H4C4: variants seen among roughly 807,000 people sequenced by gnomAD.
The protein encoded by H4C4 is H4 clustered histone 4.
H4C4 carries 8 observed loss-of-function variants against 4.4 expected under a neutral mutation model. The observed-to-expected ratio is 1.81, with a 90% CI of 1.06 to 3.27. H4C4 has a LOEUF of 3.27. Ranked by LOEUF, H4C4 falls within the 30% of genes most tolerant of loss-of-function variation. The pLI is 0.00. For missense variants in H4C4, 223 were observed against 148.9 expected (o/e 1.50, Z -2.59); for synonymous variants, 130 against 59.4 (o/e 2.19, Z -5.46).
rs1764838612 is a variant in H4C4, at chr6:26,189,021, T to C, written c.56A>G (p.His19Arg). The C allele has an allele frequency of 1.2e-6, 2 of 1,611,970 alleles. No homozygotes were observed. Among genetic ancestry groups the C allele is most frequent in the South Asian group, 1.1e-5 (1 of 91,062 alleles). ...GATATTGTCACGCAATACCTTACGG[T>C]GACGCTTGGCGCCACCCTTACCTAG... is the stretch of plus-strand genomic sequence containing the variant. ...KGLGKGGAKRHRKVLRDNIQG... is the reference protein window; with the variant it reads ...KGLGKGGAKRRRKVLRDNIQG... Residue 19 changes from histidine to arginine, a missense_variant, in exon 1 of 1, where the codon CAC (histidine) becomes CGC (arginine). Transcript: ENST00000614247.
chr6:26,189,030 G>GC lies in H4C4; in HGVS notation c.46dup (p.Ala16GlyfsTer6), dbSNP rs762079534. ...ACGCAATACCTTACGGTGACGCTTG[G>GC]CGCCACCCTTACCTAGACCCTTTCC... is the stretch of plus-strand genomic sequence containing the variant. On this transcript the variant is annotated frameshift_variant, in exon 1 of 1. Transcript: ENST00000614247. LOFTEE classifies it high-confidence loss of function. 3.1e-6 allele frequency: 5 copies of GC among 1,611,156 alleles called. No individual in the cohort carries two copies. Among genetic ancestry groups the GC allele is most frequent in the Non-Finnish European group, 3.4e-6 (4 of 1,177,822 alleles).
In H4C4 at chr6:26,188,763, G is replaced by C. The variant is rs770173337; in HGVS notation, c.*2C>G. The C allele has an allele frequency of 8.7e-6, 14 of 1,613,986 alleles. No homozygotes were observed. The highest frequency in any genetic ancestry group is 1.2e-5 in the Non-Finnish European group (14 of 1,180,008). ...TTGCGGTAGTGTACTGTAGAGGTAA[G>C]CTCAGCCGCCGAAGCCATAAAGAGT... On this transcript the variant is annotated 3_prime_UTR_variant, in exon 1 of 1. Transcript: ENST00000614247.
chr6:26,188,727 G>A lies in H4C4; in HGVS notation c.*38C>T. The A allele has an allele frequency of 5.0e-6, 8 of 1,593,802 alleles. No individual in the cohort carries two copies. Among genetic ancestry groups the A allele is most frequent in the Non-Finnish European group, 6.8e-6 (8 of 1,168,156 alleles). On this transcript the variant is annotated 3_prime_UTR_variant, in exon 1 of 1. Coordinates refer to ENST00000614247, the MANE Select transcript of H4C4 (RefSeq NM_003539.4). Reference sequence around the variant, plus strand: ...TGAGTGGATAGGTGGCCCTGAAAAGGGCCGTTGGTTTTGCGGTAGTGTACT... The same window carrying A: ...TGAGTGGATAGGTGGCCCTGAAAAGAGCCGTTGGTTTTGCGGTAGTGTACT...
At position 26,188,760 on chromosome 6, in the gene H4C4, T is replaced by C; in HGVS notation, c.*5A>G. 6.2e-7 allele frequency: 1 copy of C among 1,614,062 alleles called. No individual in the cohort carries two copies. Among genetic ancestry groups the C allele is most frequent in the Non-Finnish European group, 8.5e-7 (1 of 1,179,984 alleles). On this transcript the variant is annotated 3_prime_UTR_variant, in exon 1 of 1. Coordinates refer to ENST00000614247, the MANE Select transcript of H4C4 (RefSeq NM_003539.4). The stretch of plus-strand genomic sequence containing the variant: ...GTTTTGCGGTAGTGTACTGTAGAGG[T>C]AAGCTCAGCCGCCGAAGCCATAAAG...
rs2113850589 is a variant in H4C4 at position 26,188,729 on chromosome 6, C to A, written c.*36G>T. The A allele has an allele frequency of 6.3e-7, 1 of 1,594,908 alleles. No individual in the cohort carries two copies. Among genetic ancestry groups the A allele is most frequent in the Non-Finnish European group, 8.6e-7 (1 of 1,169,102 alleles). Reference sequence around the variant, plus strand: ...AGTGGATAGGTGGCCCTGAAAAGGGCCGTTGGTTTTGCGGTAGTGTACTGT... The same window carrying A: ...AGTGGATAGGTGGCCCTGAAAAGGGACGTTGGTTTTGCGGTAGTGTACTGT... On this transcript the variant is annotated 3_prime_UTR_variant, in exon 1 of 1. Coordinates refer to ENST00000614247, the MANE Select transcript of H4C4 (RefSeq NM_003539.4).
In H4C4 at chr6:26,189,048, C is replaced by A. The variant is rs368566658; in HGVS notation, c.29G>T (p.Gly10Val). The change falls in exon 1 of 1, where the codon GGT becomes GTT. Residue 10 changes from glycine to valine, a missense_variant. Gly to Val is a moderately radical substitution (Grantham distance 109). Transcript: ENST00000614247. MSGRGKGGK[G>V]LGKGGAKRHR... ...ACGCTTGGCGCCACCCTTACCTAGA[C>A]CCTTTCCGCCCTTACCGCGGCCAGA... is the stretch of plus-strand genomic sequence containing the variant. 2.5e-6 allele frequency: 4 copies of A among 1,592,972 alleles called. No individual in the cohort carries two copies. Among genetic ancestry groups the A allele is most frequent in the Non-Finnish European group, 3.4e-6 (4 of 1,166,722 alleles).
In H4C4 at chr6:26,188,753, G is replaced by C. The variant is rs557107958; in HGVS notation, c.*12C>G. 1 of 1,613,782 alleles carries C rather than the reference G, an allele frequency of 6.2e-7. No individual in the cohort carries two copies. The highest frequency in any genetic ancestry group is 8.5e-7 in the Non-Finnish European group (1 of 1,179,884). On this transcript the variant is annotated 3_prime_UTR_variant, in exon 1 of 1. Transcript: ENST00000614247. The stretch of plus-strand genomic sequence containing the variant: ...GCCGTTGGTTTTGCGGTAGTGTACT[G>C]TAGAGGTAAGCTCAGCCGCCGAAGC...
rs771503236 is a variant in H4C4 at position 26,188,909 on chromosome 6, G to A, written c.168C>T (p.Arg56=). 22 of 1,614,106 alleles carry A rather than the reference G, an allele frequency of 1.4e-5. No individual in the cohort carries two copies. Among genetic ancestry groups the A allele is most frequent in the South Asian group, 4.4e-5 (4 of 91,088 alleles). Residue 56 remains arginine, a synonymous_variant, in exon 1 of 1, where the codon CGC becomes CGT. Coordinates refer to ENST00000614247, the MANE Select transcript of H4C4 (RefSeq NM_003539.4). ...TTTCCAGGAAAACTTTCAGCACTCC[G>A]CGAGTTTCCTCATAAATGAGGCCAG... The part of the protein sequence containing the change: ...RISGLIYEET[R]GVLKVFLENV...
Position 26,189,092 on chromosome 6 carries a change from G to T in H4C4, c.-16C>A. 1 of 1,563,052 alleles carries T rather than the reference G, an allele frequency of 6.4e-7. No individual in the cohort carries two copies. Among genetic ancestry groups the T allele is most frequent in the South Asian group, 1.2e-5 (1 of 85,136 alleles). ...GGCCAGACATCTTGAAACCACAGCTGTTAAATCTGTAACGCAATACGTCTG... is the reference window on the plus strand; with the variant it reads ...GGCCAGACATCTTGAAACCACAGCTTTTAAATCTGTAACGCAATACGTCTG... On this transcript the variant is annotated 5_prime_UTR_variant, in exon 1 of 1. Transcript: ENST00000614247.
At position 26,189,031 on chromosome 6, in the gene H4C4, C is replaced by G. The variant is rs1328616104; in HGVS notation, c.46G>C (p.Ala16Pro). 1 of 1,610,834 alleles carries G rather than the reference C, an allele frequency of 6.2e-7. No individual in the cohort carries two copies. The highest frequency in any genetic ancestry group is 8.5e-7 in the Non-Finnish European group (1 of 1,177,574). Reference sequence around the variant, plus strand: ...CGCAATACCTTACGGTGACGCTTGGCGCCACCCTTACCTAGACCCTTTCCG... The same window carrying G: ...CGCAATACCTTACGGTGACGCTTGGGGCCACCCTTACCTAGACCCTTTCCG... ...KGGKGLGKGG[A>P]KRHRKVLRDN... is the part of the protein sequence containing the mutation. The change falls in exon 1 of 1, where the codon GCC becomes CCC. Residue 16 changes from alanine to proline, a missense_variant. Coordinates refer to ENST00000614247, the MANE Select transcript of H4C4 (RefSeq NM_003539.4).
rs778343999 is a variant in H4C4, at chr6:26,188,749, T to C, written c.*16A>G. The C allele has an allele frequency of 2.4e-5, 39 of 1,613,390 alleles. No homozygotes were observed. Among genetic ancestry groups the C allele is most frequent in the Non-Finnish European group, 3.2e-5 (38 of 1,179,760 alleles). On this transcript the variant is annotated 3_prime_UTR_variant, in exon 1 of 1. Transcript: ENST00000614247. Reference sequence around the variant, plus strand: ...AAGGGCCGTTGGTTTTGCGGTAGTGTACTGTAGAGGTAAGCTCAGCCGCCG... The same window carrying C: ...AAGGGCCGTTGGTTTTGCGGTAGTGCACTGTAGAGGTAAGCTCAGCCGCCG...
chr6:26,189,042 C>T lies in H4C4; in HGVS notation c.35G>A (p.Gly12Asp), dbSNP rs754242447. The change falls in exon 1 of 1, where the codon GGT becomes GAT. Residue 12 changes from glycine to aspartate, a missense_variant. Physicochemically the swap from Gly to Asp is moderately conservative, Grantham distance 94. Transcript: ENST00000614247. ...ACGGTGACGCTTGGCGCCACCCTTA[C>T]CTAGACCCTTTCCGCCCTTACCGCG... ...SGRGKGGKGL[G>D]KGGAKRHRKV... is the part of the protein sequence containing the mutation. 2.2e-5 allele frequency: 36 copies of T among 1,601,156 alleles called. No individual in the cohort carries two copies. Among genetic ancestry groups the T allele is most frequent in the Middle Eastern group, 1.7e-4 (1 of 6,026 alleles).
At position 26,188,741 on chromosome 6, in the gene H4C4, C is replaced by T. The variant is rs762142778; in HGVS notation, c.*24G>A. ...GCCCTGAAAAGGGCCGTTGGTTTTG[C>T]GGTAGTGTACTGTAGAGGTAAGCTC... On this transcript the variant is annotated 3_prime_UTR_variant, in exon 1 of 1. Coordinates refer to ENST00000614247, the MANE Select transcript of H4C4 (RefSeq NM_003539.4). 14 of 1,602,098 alleles carry T rather than the reference C, an allele frequency of 8.7e-6. No homozygotes were observed. The highest frequency in any genetic ancestry group is 3.5e-5 in the Admixed American group (2 of 57,370).
Position 26,188,945 on chromosome 6 carries a change from G to C in H4C4, c.132C>G (p.Val44=), listed in dbSNP as rs1171998197. ...AIRRLARRGG[V]KRISGLIYEE... ...CATAAATGAGGCCAGAAATACGCTT[G>C]ACGCCGCCGCGGCGAGCCAGGCGGC... Residue 44 remains valine, a synonymous_variant, in exon 1 of 1, where the codon GTC becomes GTG. Coordinates refer to ENST00000614247, the MANE Select transcript of H4C4 (RefSeq NM_003539.4). 3 of 1,614,198 alleles carry C rather than the reference G, an allele frequency of 1.9e-6. No individual in the cohort carries two copies. The highest frequency in any genetic ancestry group is 3.3e-5 in the Admixed American group (2 of 60,034).
Position 26,188,751 on chromosome 6 carries a change from C to A in H4C4, c.*14G>T, listed in dbSNP as rs946253419. The A allele has an allele frequency of 6.2e-7, 1 of 1,613,642 alleles. No homozygotes were observed. The highest frequency in any genetic ancestry group is 1.1e-5 in the South Asian group (1 of 91,036). On this transcript the variant is annotated 3_prime_UTR_variant, in exon 1 of 1. Coordinates refer to ENST00000614247, the MANE Select transcript of H4C4 (RefSeq NM_003539.4). Reference sequence around the variant, plus strand: ...GGGCCGTTGGTTTTGCGGTAGTGTACTGTAGAGGTAAGCTCAGCCGCCGAA... The same window carrying A: ...GGGCCGTTGGTTTTGCGGTAGTGTAATGTAGAGGTAAGCTCAGCCGCCGAA...
At position 26,188,746 on chromosome 6, in the gene H4C4, G is replaced by C. The variant is rs1764825014; in HGVS notation, c.*19C>G. On this transcript the variant is annotated 3_prime_UTR_variant, in exon 1 of 1. Coordinates refer to ENST00000614247, the MANE Select transcript of H4C4 (RefSeq NM_003539.4). ...GAAAAGGGCCGTTGGTTTTGCGGTA[G>C]TGTACTGTAGAGGTAAGCTCAGCCG... 6.2e-7 allele frequency: 1 copy of C among 1,611,370 alleles called. No homozygotes were observed. Among genetic ancestry groups the C allele is most frequent in the South Asian group, 1.1e-5 (1 of 90,870 alleles).
At position 26,188,948 on chromosome 6, in the gene H4C4, G is replaced by A. The variant is rs757687288; in HGVS notation, c.129C>T (p.Gly43=). Residue 43 remains glycine (G), a synonymous_variant, in exon 1 of 1, where the codon GGC becomes GGT. Transcript: ENST00000614247. ...PAIRRLARRG[G]VKRISGLIYE... ...AAATGAGGCCAGAAATACGCTTGAC[G>A]CCGCCGCGGCGAGCCAGGCGGCGGA... 1.9e-5 allele frequency: 31 copies of A among 1,614,036 alleles called. No individual in the cohort carries two copies. The highest frequency in any genetic ancestry group is 1.6e-4 in the Middle Eastern group (1 of 6,084).
rs1273105369 is a variant in H4C4 at position 26,188,920 on chromosome 6, CATAA to C, written c.153_156del (p.Ile51MetfsTer8). On this transcript the variant is annotated frameshift_variant, in exon 1 of 1. Transcript: ENST00000614247. LOFTEE classifies it high-confidence loss of function. ...ACTTTCAGCACTCCGCGAGTTTCCT[CATAA>C]ATGAGGCCAGAAATACGCTTGACGC... 1.1e-5 allele frequency: 18 copies of C among 1,614,238 alleles called. No homozygotes were observed. Among genetic ancestry groups the C allele is most frequent in the Non-Finnish European group, 1.4e-5 (17 of 1,180,034 alleles).
In H4C4 at chr6:26,188,857, T is replaced by G. The variant is rs2113850842; in HGVS notation, c.220A>C (p.Thr74Pro). The change falls in exon 1 of 1, where the codon ACG (threonine) becomes CCG (proline). Residue 74 changes from threonine (T) to proline (P), a missense_variant. Coordinates refer to ENST00000614247, the MANE Select transcript of H4C4 (RefSeq NM_003539.4). Reference protein sequence around the residue: ...ENVIRDAVTYTEHAKRKTVTA... With the variant: ...ENVIRDAVTYPEHAKRKTVTA... Reference sequence around the variant, plus strand: ...ACTGTCTTGCGTTTGGCGTGTTCCGTGTAGGTGACAGCATCGCGGATTACA... The same window carrying G: ...ACTGTCTTGCGTTTGGCGTGTTCCGGGTAGGTGACAGCATCGCGGATTACA... The G allele has an allele frequency of 1.2e-6, 2 of 1,614,248 alleles. No homozygotes were observed. The highest frequency in any genetic ancestry group is 4.5e-5 in the East Asian group (2 of 44,880).
Sources: allele counts gnomAD v4.1 joint callset, GRCh38; gene constraint gnomAD v4.1.1; transcripts MANE v1.5; gene names NCBI Gene and HGNC (gene_info 2026-07-23, HGNC 2026-07-21).